The following TNIK variants were observed in gnomAD, a reference collection of about 807,000 sequenced individuals.
TNIK encodes TRAF2 and NCK-interacting protein kinase.
In TNIK, 49 loss-of-function variants were observed where a neutral mutation model predicts 191.3. The observed-to-expected ratio is 0.26, with a 90% CI of 0.20 to 0.32. The LOEUF (loss-of-function observed/expected upper bound fraction) is 0.32. Among genes scored for constraint, TNIK ranks in the 10% least tolerant of loss-of-function variants. The pLI, the probability that TNIK is intolerant of heterozygous loss-of-function variation, is 1.00. For synonymous variants in TNIK, 594 were observed against 600.9 expected (o/e 0.99, Z 0.17); for missense variants, 1,155 against 1,702.3 (o/e 0.68, Z 5.66).
intron 1 of TNIK, among the ~76,000 whole-genome samples, chr3:171,441,259 T>C (rs1726764822): frequency 1.3e-5 from 2 of 152,250 alleles, no homozygotes. Context: ...CCATCCAATA[T>C]TGAAGCATTT....
At chr3:171,100,008 C>A (rs1255142075) in intron 22 of TNIK, among the ~76,000 whole-genome samples, 1 of 152,160 alleles carries the variant, frequency 6.6e-6, no homozygotes, top group Non-Finnish European at 1.5e-5. Flanking sequence ...AATCCAAGTA[C>A]GAACTTATCA....
intron 2 of TNIK, among the ~76,000 whole-genome samples, chr3:171,264,351 C>CACATAT (rs1553874038): frequency 2.0e-5 from 3 of 151,132 alleles, no homozygotes; most frequent in Non-Finnish European, 3.0e-5. Context: ...CACACACACA[C>CACATAT]ATATATATAT....
intron 2 of TNIK, among the ~76,000 whole-genome samples, chr3:171,248,461 A>C (rs569513373): frequency 1.3e-5 from 2 of 152,234 alleles, no homozygotes; most frequent in Middle Eastern, 3.2e-3. Flanking sequence ...TAAAGGAGAT[A>C]GTACATGTTG....
intron 2 of TNIK, among the ~76,000 whole-genome samples, chr3:171,258,218 A>C (rs1161975673): frequency 6.6e-6 from 1 of 152,198 alleles, no homozygotes; most frequent in African/African-American, 2.4e-5. Context: ...ATTGGAAATG[A>C]TTTTTAAAAA....
chr3:171,216,597 T>C (rs188395832), intron 3 of TNIK, among the ~76,000 whole-genome samples: 1 of 152,304 alleles, frequency 6.6e-6, no homozygotes, highest in African/African-American at 2.4e-5. Context: ...GCTGGCGTTT[T>C]CCAGTGTGTT....
At chr3:171,388,960 C>T (rs1719099485) in intron 1 of TNIK, among the ~76,000 whole-genome samples, 1 of 152,152 alleles carries the variant, frequency 6.6e-6, no homozygotes, top group African/African-American at 2.4e-5. Flanking sequence ...CTCAGTGTTA[C>T]ACAAAGGAGT....
chr3:171,375,164 T>A (rs567555297), intron 1 of TNIK, among the ~76,000 whole-genome samples: 1 of 152,304 alleles, frequency 6.6e-6, no homozygotes, highest in South Asian at 2.1e-4. Flanking sequence ...GGAGATACAA[T>A]GAGAACTGTG....
At chr3:171,399,863 A>C (rs1328810463) in intron 1 of TNIK, among the ~76,000 whole-genome samples, 3 of 152,228 alleles carry the variant, frequency 2.0e-5, no homozygotes, top group African/African-American at 7.2e-5. Flanking sequence ...TTCTGTAGCA[A>C]GTATGCTTTA....
At chr3:171,425,580 C>T (rs1724445468) in intron 1 of TNIK, among the ~76,000 whole-genome samples, 1 of 152,020 alleles carries the variant, frequency 6.6e-6, no homozygotes, top group South Asian at 2.1e-4. Context: ...AATCCCAGCA[C>T]TTTGGGAGGC....
chr3:171,253,402 G>T (rs1480556448), intron 2 of TNIK, among the ~76,000 whole-genome samples: 1 of 151,998 alleles, frequency 6.6e-6, no homozygotes, highest in Non-Finnish European at 1.5e-5. Context: ...CCCTCACTCT[G>T]GCTTAATTCT....
At chr3:171,315,318 C>G (rs1754483579) in intron 2 of TNIK, among the ~76,000 whole-genome samples, 1 of 152,146 alleles carries the variant, frequency 6.6e-6, no homozygotes, top group African/African-American at 2.4e-5. Flanking sequence ...ACATTTTTTC[C>G]TGTTAATAGA....
At chr3:171,110,268 T>A (rs1725645437) in intron 19 of TNIK, among the ~76,000 whole-genome samples, 1 of 152,206 alleles carries the variant, frequency 6.6e-6, no homozygotes, top group African/African-American at 2.4e-5. Flanking sequence ...ACATTAGTCT[T>A]TACTGAATTT....
In TNIK at chr3:171,174,159, T is replaced by G. The variant is rs138273044; in HGVS notation, c.773+1093A>C. 3.5e-3 allele frequency among the ~76,000 whole-genome samples: 539 copies of G among 152,300 alleles called. 4 individuals carry two copies. The highest frequency in any genetic ancestry group is 0.012 in the African/African-American group (514 of 41,564). ...TGTTTCCTTCCCTCTTTCTGTGCAG[T>G]GTGCCCTTTCCTCTGTTCCACCAGG... On this transcript the variant is annotated intron_variant, in intron 9 of 32. Coordinates refer to ENST00000436636, the MANE Select transcript of TNIK (RefSeq NM_015028.4).
At chr3:171,359,983 A>G (rs1290260754) in intron 2 of TNIK, among the ~76,000 whole-genome samples, 1 of 152,206 alleles carries the variant, frequency 6.6e-6, no homozygotes, top group Non-Finnish European at 1.5e-5. Context: ...TCTAAAAACT[A>G]CAAGTCATGA....
intron 6 of TNIK, among the ~76,000 whole-genome samples, chr3:171,189,409 T>G (rs1219456309): frequency 6.6e-6 from 1 of 152,100 alleles, no homozygotes; most frequent in Non-Finnish European, 1.5e-5. Flanking sequence ...AGTGTACCCA[T>G]GAGGAAGGCA....
intron 2 of TNIK, among the ~76,000 whole-genome samples, chr3:171,356,892 T>C (rs1265032967): frequency 6.6e-6 from 1 of 152,198 alleles, no homozygotes; most frequent in African/African-American, 2.4e-5. Context: ...TGTTTTATGA[T>C]TGATATCAGT....
At chr3:171,177,552 C>G (rs780087916) in intron 7 of TNIK, among the ~76,000 whole-genome samples, 172 bp from the exon 8 acceptor site, 1 of 152,114 alleles carries the variant, frequency 6.6e-6, no homozygotes, top group Non-Finnish European at 1.5e-5. Flanking sequence ...ATTGACAGTA[C>G]CACTCATGGT....
chr3:171,237,340 A>C (rs1279098360), intron 2 of TNIK, among the ~76,000 whole-genome samples: 3 of 152,184 alleles, frequency 2.0e-5, no homozygotes, highest in African/African-American at 7.2e-5. Flanking sequence ...AATATGGGGG[A>C]AAAAGACTAG....
At chr3:171,202,181 G>A (rs1739494471) in intron 4 of TNIK, among the ~76,000 whole-genome samples, 1 of 151,922 alleles carries the variant, frequency 6.6e-6, no homozygotes, top group Non-Finnish European at 1.5e-5. Flanking sequence ...AAATTCCACA[G>A]TATGAATGCA....
Sources: gnomAD v4.1 joint callset for allele counts (sites outside exome capture counted in the v4.1 genomes callset) on GRCh38, gnomAD v4.1.1 for gene constraint, MANE v1.5 for transcripts, NCBI Gene and HGNC (gene_info 2026-07-23, HGNC 2026-07-21) for gene names.